The following VMA21 variants were observed in gnomAD, a reference collection of about 807,000 sequenced individuals.
VMA21 encodes vacuolar ATPase assembly integral membrane protein VMA21.
For synonymous variants in VMA21, 47 were observed against 34.1 expected (o/e 1.38, Z -1.32); for missense variants, 61 against 80.6 (o/e 0.76, Z 0.93).
chrX:151,406,439 C>T lies in VMA21; in HGVS notation c.*1381C>T, dbSNP rs1469330491. 9.0e-6 allele frequency: 1 copy of T among 110,904 alleles called. No homozygotes were observed. The highest frequency in any genetic ancestry group is 1.9e-5 in the Non-Finnish European group (1 of 52,967). 9.1% of individuals were successfully genotyped at this position (110,904 alleles called of 1,213,427 possible). A position where few individuals can be genotyped will look rare whatever the true frequency, so the allele number is the denominator to read the frequency against. ...TTGCCCAGGCTGGAGTGCAGTGGTG[C>T]AATCTCGGCTCACTGCAACCTCTGC... On this transcript the variant is annotated 3_prime_UTR_variant, in exon 3 of 3. Coordinates refer to ENST00000330374, the MANE Select transcript of VMA21 (RefSeq NM_001017980.4).
chrX:151,400,987 G>A (rs2011232683), intron 1 of VMA21, among the ~76,000 whole-genome samples: 1 of 111,975 alleles, frequency 8.9e-6, no homozygotes, highest in Non-Finnish European at 1.9e-5. Context: ...TCTGTAAGCT[G>A]CCTTTTCATT....
chrX:151,402,198 T>C (rs1325675469), intron 1 of VMA21, among the ~76,000 whole-genome samples: 1 of 112,012 alleles, frequency 8.9e-6, no homozygotes, highest in Non-Finnish European at 1.9e-5. Flanking sequence ...TGTATTGGTT[T>C]TGTTTGTTTG....
In VMA21 at chrX:151,406,911, T is replaced by G. The variant is rs1254193203; in HGVS notation, c.*1853T>G. ...TTTAACTGTTGAGAAAAGTGAAAGA[T>G]CAGTATGATTATTATGGAACTGTTT... On this transcript the variant is annotated 3_prime_UTR_variant, in exon 3 of 3. Transcript: ENST00000330374. The G allele has an allele frequency of 8.9e-6, 1 of 112,067 alleles. No individual in the cohort carries two copies. The highest frequency in any genetic ancestry group is 3.2e-5 in the African/African-American group (1 of 30,824). 9.2% of individuals were successfully genotyped at this position (112,067 alleles called of 1,213,427 possible).
In VMA21 at chrX:151,397,280, C is replaced by G. The variant is rs1273828821; in HGVS notation, c.-29C>G. ...GCGGCCGCCGAGCCCAGCTCCGCCG[C>G]CGAGCGCCTGTGCCGGCACGGCTAC... On this transcript the variant is annotated 5_prime_UTR_variant, in exon 1 of 3. Coordinates refer to ENST00000330374, the MANE Select transcript of VMA21 (RefSeq NM_001017980.4). The G allele has an allele frequency of 8.7e-7, 1 of 1,153,691 alleles. No individual in the cohort carries two copies. Among genetic ancestry groups the G allele is most frequent in the Non-Finnish European group, 1.2e-6 (1 of 869,129 alleles).
chrX:151,404,199 G>A (rs2011263453), intron 2 of VMA21, among the ~76,000 whole-genome samples: 1 of 108,370 alleles, frequency 9.2e-6, no homozygotes, highest in Admixed American at 9.7e-5. Flanking sequence ...TCAGCCTCCT[G>A]AGTATCTGGG....
chrX:151,397,318 C>T lies in VMA21; in HGVS notation c.10C>T (p.Pro4Ser). 8.6e-7 allele frequency: 1 copy of T among 1,162,069 alleles called. No individual in the cohort carries two copies. The highest frequency in any genetic ancestry group is 1.9e-5 in the South Asian group (1 of 52,717). The change falls in exon 1 of 3, where the codon CCG becomes TCG. Residue 4 changes from proline to serine, a missense_variant. Transcript: ENST00000330374. MER[P>S]DKAALNALQP... ...CCGGCACGGCTACACCATGGAGCGC[C>T]CGGATAAGGCGGCGCTGAACGCACT...
In VMA21 at chrX:151,405,367, C is replaced by T. The variant is rs1189708515; in HGVS notation, c.*309C>T. On this transcript the variant is annotated 3_prime_UTR_variant, in exon 3 of 3. Coordinates refer to ENST00000330374, the MANE Select transcript of VMA21 (RefSeq NM_001017980.4). ...ACATGTTTTATAGTATTCTGACTTA[C>T]GGTTGCTTTTGAGTTTTACTCATTT... 3 of 200,227 alleles carry T rather than the reference C, an allele frequency of 1.5e-5. No individual in the cohort carries two copies. The highest frequency in any genetic ancestry group is 3.0e-5 in the African/African-American group (1 of 33,069). The allele number at this position is 200,227 out of a possible 1,213,427, so 16.5% of individuals were successfully genotyped here.
chrX:151,402,688 G>A (rs1412116714), intron 1 of VMA21, among the ~76,000 whole-genome samples: 1 of 112,699 alleles, frequency 8.9e-6, no homozygotes, highest in Non-Finnish European at 1.9e-5. Context: ...TGGGGAGGGC[G>A]CACTGGTCCG....
intron 2 of VMA21, 46 bp downstream of exon 2, chrX:151,403,786 A>C (rs2011257924): frequency 1.0e-6 from 1 of 998,292 alleles, no homozygotes; most frequent in East Asian, 3.1e-5. Context: ...CCAATTTAAG[A>C]TTCTGTGCTT....
At chrX:151,400,693 T>G (rs2124122684) in intron 1 of VMA21, among the ~76,000 whole-genome samples, 1 of 112,634 alleles carries the variant, frequency 8.9e-6, no homozygotes, top group South Asian at 3.6e-4. Context: ...TTCTCCACAC[T>G]TTTACAAACA....
At chrX:151,398,930 C>T (rs768684757) in intron 1 of VMA21, among the ~76,000 whole-genome samples, 1 of 112,408 alleles carries the variant, frequency 8.9e-6, no homozygotes, top group Non-Finnish European at 1.9e-5. Context: ...CAAATCTCTG[C>T]TCAGTAACAC....
rs919501742 is a variant in VMA21 at position 151,407,907 on chromosome X, T to C, written c.*2849T>C. On this transcript the variant is annotated 3_prime_UTR_variant, in exon 3 of 3. Transcript: ENST00000330374. ...GTTTTCTTTTTTCTTTTTTTTTTTTTCGAGACGGAGTTTTGCCCTTCTTGC... is the reference window on the plus strand; with the variant it reads ...GTTTTCTTTTTTCTTTTTTTTTTTTCCGAGACGGAGTTTTGCCCTTCTTGC... 4.5e-5 allele frequency: 5 copies of C among 110,341 alleles called. No individual in the cohort carries two copies. Among genetic ancestry groups the C allele is most frequent in the Middle Eastern group, 4.7e-3 (1 of 212 alleles). The allele number at this position is 110,341 out of a possible 1,213,427, so 9.1% of individuals were successfully genotyped here.
At chrX:151,400,273 T>C (rs1333915436) in intron 1 of VMA21, among the ~76,000 whole-genome samples, 11 of 108,602 alleles carry the variant, frequency 1.0e-4, no homozygotes, top group African/African-American at 3.4e-4. Context: ...CTTTTTTTTT[T>C]TTTTTTAAAG....
At chrX:151,397,066 T>C (rs748165835), upstream of VMA21, 2 of 467,938 alleles carry the variant, frequency 4.3e-6, no homozygotes, top group South Asian at 2.9e-5. Flanking sequence ...CGGTAAGTCA[T>C]GTGAGCGCCC....
upstream of VMA21, chrX:151,397,195 C>CGCGAACGGGCACTTCCGGT (rs2011199217): frequency 1.1e-6 from 1 of 886,464 alleles, no homozygotes; most frequent in Non-Finnish European, 1.5e-6. Flanking sequence ...GCACTTCCGG[C>CGCGAACGGGCACTTCCGGT]GCGAACCGCT....
intron 1 of VMA21, among the ~76,000 whole-genome samples, chrX:151,398,561 A>G (rs1258440167): frequency 3.6e-5 from 4 of 110,791 alleles, no homozygotes; most frequent in Non-Finnish European, 5.7e-5. Context: ...TCCATGGTGT[A>G]TATGTACCGC....
chrX:151,404,264 G>T (rs1040111215), intron 2 of VMA21, among the ~76,000 whole-genome samples: 5 of 111,807 alleles, frequency 4.5e-5, no homozygotes, highest in Non-Finnish European at 7.5e-5. Flanking sequence ...TAGTAGAGAC[G>T]GGGTTTCGCC....
At chrX:151,397,491 C>G in intron 1 of VMA21, 130 bp downstream of exon 1, 2 of 740,554 alleles carry the variant, frequency 2.7e-6, no homozygotes, top group African/African-American at 2.1e-5. Flanking sequence ...GGGAAGGGGG[C>G]GGGGAAAGCA....
chrX:151,396,867 C>G (rs1189494661), upstream of VMA21: 1 of 522,051 alleles, frequency 1.9e-6, no homozygotes, highest in African/African-American at 2.3e-5. Flanking sequence ...CGGCCCCCAG[C>G]TCAGCGACCG....
Sources: gnomAD v4.1 joint callset for allele counts (sites outside exome capture counted in the v4.1 genomes callset) on GRCh38, gnomAD v4.1.1 for gene constraint, MANE v1.5 for transcripts, NCBI Gene and HGNC (gene_info 2026-07-23, HGNC 2026-07-21) for gene names.